NRXN1: variants seen among roughly 807,000 people sequenced by gnomAD.
NRXN1 encodes the protein neurexin-1.
A neutral mutation model predicts 150.9 loss-of-function variants in NRXN1; 39 were observed. The observed-to-expected ratio is 0.26, with a 90% CI of 0.20 to 0.34. The LOEUF (loss-of-function observed/expected upper bound fraction) is 0.34, where lower values mean the gene tolerates loss of function less well. Ranked by LOEUF, NRXN1 falls within the 10% of genes least tolerant of loss-of-function variation. The pLI, the probability that NRXN1 is intolerant of heterozygous loss-of-function variation, is 1.00. For missense variants in NRXN1, 1,815 were observed against 1,949.9 expected, an observed-to-expected ratio of 0.93 and a Z score of 1.30; for synonymous variants, 924 against 757.0, an observed-to-expected ratio of 1.22 and a Z score of -3.62.
At chr2:50,975,058 G>A (rs1486598861) in intron 2 of NRXN1, among the ~76,000 whole-genome samples, 4 of 151,932 alleles carry the variant, frequency 2.6e-5, no homozygotes, top group Non-Finnish European at 4.4e-5. Flanking sequence ...AATCCACAAG[G>A]TTCTTTTCAT....
At chr2:49,982,457 A>C (rs1650022657) in intron 21 of NRXN1, among the ~76,000 whole-genome samples, 1 of 143,464 alleles carries the variant, frequency 7.0e-6, no homozygotes. Flanking sequence ...TTACATGACC[A>C]CAAAAAAGTA....
At chr2:50,125,805 A>T (rs1195526931) in intron 18 of NRXN1, among the ~76,000 whole-genome samples, 1 of 152,248 alleles carries the variant, frequency 6.6e-6, no homozygotes, top group East Asian at 1.9e-4. Flanking sequence ...GCCCACACTC[A>T]TATGTGGGTA....
chr2:50,344,576 C>A (rs1159647034), intron 17 of NRXN1, among the ~76,000 whole-genome samples: 1 of 152,174 alleles, frequency 6.6e-6, no homozygotes, highest in Non-Finnish European at 1.5e-5. Context: ...CTATCCTATT[C>A]TTTCTCTTTT....
At chr2:50,137,166 T>C (rs2152754765) in intron 18 of NRXN1, among the ~76,000 whole-genome samples, 1 of 152,242 alleles carries the variant, frequency 6.6e-6, no homozygotes, top group Non-Finnish European at 1.5e-5. Flanking sequence ...TGTGAACAGA[T>C]ACCAAAACAT....
chr2:51,027,686 G>A lies in NRXN1; in HGVS notation c.588C>T (p.Pro196=), dbSNP rs201644834. 5.2e-5 allele frequency: 84 copies of A among 1,604,540 alleles called. 1 individual carries two copies. In the South Asian group the frequency reaches 6.9e-4, roughly 13 times the overall value. ...DVRVNSSQVL[P]VDSGEVKLDD... ...CCAGCTTCACCTCGCCGCTGTCCACGGGCAGGACCTGCGAGGAGTTGACCC... is the reference window on the plus strand; with the variant it reads ...CCAGCTTCACCTCGCCGCTGTCCACAGGCAGGACCTGCGAGGAGTTGACCC... Residue 196 remains proline, a synonymous_variant, in exon 2 of 23, where the codon CCC becomes CCT. Transcript: ENST00000401669.
intron 5 of NRXN1, among the ~76,000 whole-genome samples, chr2:50,628,971 A>G (rs1164609703): frequency 1.3e-5 from 2 of 151,726 alleles, no homozygotes; most frequent in African/African-American, 4.8e-5. Context: ...GAATAAAATG[A>G]AAAATACAAA....
intron 5 of NRXN1, among the ~76,000 whole-genome samples, chr2:50,682,920 T>G (rs533667644): frequency 1.3e-5 from 2 of 152,280 alleles, no homozygotes; most frequent in South Asian, 4.1e-4. Context: ...CACATTTGTA[T>G]GCAAGTTTTA....
intron 21 of NRXN1, among the ~76,000 whole-genome samples, chr2:50,001,113 G>T (rs1470285614): frequency 6.6e-6 from 1 of 152,110 alleles, no homozygotes; most frequent in Non-Finnish European, 1.5e-5. Context: ...AGTGGCTTTA[G>T]CATCAAAGGG....
intron 5 of NRXN1, among the ~76,000 whole-genome samples, chr2:50,715,506 T>C (rs1695751913): frequency 6.6e-6 from 1 of 152,234 alleles, no homozygotes; most frequent in African/African-American, 2.4e-5. Context: ...TATTTCTATA[T>C]GGATATAGAG....
At chr2:50,267,688 C>T (rs184545764) in intron 17 of NRXN1, among the ~76,000 whole-genome samples, 77 of 152,214 alleles carry the variant, frequency 5.1e-4, no homozygotes, top group Non-Finnish European at 9.1e-4. Flanking sequence ...TTATAGGGAA[C>T]GAAAATCTTA....
intron 5 of NRXN1, among the ~76,000 whole-genome samples, chr2:50,819,903 G>C (rs1669473862): frequency 6.6e-6 from 1 of 151,888 alleles, no homozygotes; most frequent in African/African-American, 2.4e-5. Flanking sequence ...GATAATTCCT[G>C]TGTTTGCCAT....
intron 5 of NRXN1, among the ~76,000 whole-genome samples, chr2:50,794,938 T>A (rs1706590411): frequency 6.6e-6 from 1 of 152,092 alleles, no homozygotes; most frequent in Non-Finnish European, 1.5e-5. Context: ...CCTCATCAAA[T>A]CACTTTCATA....
intron 17 of NRXN1, among the ~76,000 whole-genome samples, chr2:50,328,939 G>C (rs2076567554): frequency 6.6e-6 from 1 of 152,232 alleles, no homozygotes; most frequent in African/African-American, 2.4e-5. Context: ...TATCTGAGTA[G>C]ATGCTAGCTC....
intron 2 of NRXN1, among the ~76,000 whole-genome samples, chr2:50,940,511 G>C (rs550477163): frequency 6.6e-6 from 1 of 150,980 alleles, no homozygotes; most frequent in African/African-American, 2.4e-5. Flanking sequence ...AAAACCAAAG[G>C]CCACATTGTA....
chr2:51,018,019 G>T (rs754153380), intron 2 of NRXN1, among the ~76,000 whole-genome samples: 7 of 152,102 alleles, frequency 4.6e-5, no homozygotes, highest in Non-Finnish European at 8.8e-5. Context: ...TCCGCTGGAC[G>T]GGGCTGTGGA....
intron 9 of NRXN1, among the ~76,000 whole-genome samples, chr2:50,542,949 A>T (rs11125315): frequency 0.49 from 74,726 of 151,940 alleles, 20,557 homozygotes; most frequent in African/African-American, 0.75. Context: ...TATTTTATTA[A>T]AATTGAGTTA....
chr2:50,046,919 A>T (rs1462648232), intron 21 of NRXN1, among the ~76,000 whole-genome samples: 1 of 152,210 alleles, frequency 6.6e-6, no homozygotes, highest in African/African-American at 2.4e-5. Flanking sequence ...GTAATACATG[A>T]TACAAAACTC....
chr2:50,120,090 AAAAAGGCAAATT>A (rs1203239171), intron 18 of NRXN1, among the ~76,000 whole-genome samples: 1 of 152,188 alleles, frequency 6.6e-6, no homozygotes, highest in African/African-American at 2.4e-5. Context: ...AGCCAATAAT[AAAAAGGCAAATT>A]AAAAGGCAAT....
At chr2:50,621,197 A>G (rs772104768) in intron 7 of NRXN1, 29 bp downstream of exon 7, 4 of 1,552,218 alleles carry the variant, frequency 2.6e-6, no homozygotes, top group Non-Finnish European at 2.6e-6. Flanking sequence ...AATTAGAATG[A>G]TATCTACCGA....
Sources: gnomAD v4.1 joint callset for allele counts (sites outside exome capture counted in the v4.1 genomes callset) on GRCh38, gnomAD v4.1.1 for gene constraint, MANE v1.5 for transcripts, NCBI Gene and HGNC (gene_info 2026-07-23, HGNC 2026-07-21) for gene names.